Variants in MMS19 observed in about 807,000 individuals in gnomAD.
MMS19 encodes MMS19 cytosolic iron-sulfur assembly component.
MMS19 carries 77 observed loss-of-function variants against 129.8 expected under a neutral mutation model. That is an observed-to-expected ratio of 0.59 (90% CI 0.49 to 0.72). The LOEUF is 0.72. Ranked by LOEUF, MMS19 falls within the 30% of genes least tolerant of loss-of-function variation. The pLI, the probability that MMS19 is intolerant of heterozygous loss-of-function variation, is 0.00. For missense variants in MMS19, 1,168 were observed against 1,266.3 expected (o/e 0.92, Z 1.18); for synonymous variants, 491 against 502.8 (o/e 0.98, Z 0.31).
upstream of MMS19, chr10:97,498,531 C>T: frequency 8.7e-7 from 1 of 1,145,854 alleles, no homozygotes; most frequent in South Asian, 1.6e-5. Flanking sequence ...CTAGGCAGTT[C>T]CAGGGAGGGG....
At chr10:97,466,419 C>G (rs1408606277) in intron 16 of MMS19, 85 bp downstream of exon 16, 1 of 1,127,510 alleles carries the variant, frequency 8.9e-7, no homozygotes, top group African/African-American at 1.5e-5. Context: ...GTCAGAAGCA[C>G]AGAGCCCTGG....
At chr10:97,459,555 G>A (rs766072186) in intron 27 of MMS19, 29 bp from the exon 28 acceptor site, 4 of 1,607,762 alleles carry the variant, frequency 2.5e-6, no homozygotes, top group Non-Finnish European at 2.6e-6. Context: ...GGTAGGGGAT[G>A]GCCACATCAT....
chr10:97,486,846 C>A (rs2037926588), intron 1 of MMS19, among the ~76,000 whole-genome samples: 2 of 89,570 alleles, frequency 2.2e-5, no homozygotes, highest in Admixed American at 1.3e-4. Context: ...ATAAGCTTAT[C>A]CTGAAATTAA....
At chr10:97,485,596 C>A (rs1032759643) in intron 1 of MMS19, among the ~76,000 whole-genome samples, 1 of 152,192 alleles carries the variant, frequency 6.6e-6, no homozygotes, top group Non-Finnish European at 1.5e-5. Flanking sequence ...CAGGCATGAG[C>A]CACTGCACCT....
intron 1 of MMS19, among the ~76,000 whole-genome samples, chr10:97,485,302 T>C (rs1353502126): frequency 1.3e-5 from 2 of 151,546 alleles, no homozygotes; most frequent in African/African-American, 4.9e-5. Flanking sequence ...CTAATTTTTG[T>C]ATTTTCTTTT....
In MMS19 at chr10:97,484,116, C is replaced by T; in HGVS notation, c.148G>A (p.Val50Met). The T allele has an allele frequency of 6.5e-7, 1 of 1,548,158 alleles. No individual in the cohort carries two copies. The highest frequency in any genetic ancestry group is 8.8e-7 in the Non-Finnish European group (1 of 1,141,582). The change falls in exon 2 of 31, where the codon GTG (valine) becomes ATG (methionine). Residue 50 changes from valine (V) to methionine (M), a missense_variant. Transcript: ENST00000438925. ...AGAGGCTCTTACCCAAGGGCTTCCACAACTTGTAACACTGTATAGTTGCCA... is the reference window on the plus strand; with the variant it reads ...AGAGGCTCTTACCCAAGGGCTTCCATAACTTGTAACACTGTATAGTTGCCA... ...KSGNYTVLQV[V>M]EALGSSLENP...
chr10:97,474,343 G>C (rs935743595), intron 8 of MMS19, among the ~76,000 whole-genome samples: 8 of 151,796 alleles, frequency 5.3e-5, no homozygotes, highest in Admixed American at 5.3e-4. Context: ...AGGAGTTCGA[G>C]ACCAACCTGG....
chr10:97,465,571 C>A (rs2033281192), intron 18 of MMS19, among the ~76,000 whole-genome samples: 1 of 152,402 alleles, frequency 6.6e-6, no homozygotes, highest in Non-Finnish European at 1.5e-5. Flanking sequence ...TCCCAAAGTG[C>A]TGAGATTACA....
intron 8 of MMS19, 106 bp downstream of exon 8, chr10:97,476,577 C>T (rs1023808098): frequency 3.0e-5 from 26 of 868,422 alleles, no homozygotes; most frequent in African/African-American, 8.5e-5. Flanking sequence ...ATAATGAGGG[C>T]GGGGATGTCT....
chr10:97,480,636 C>T (rs1476469883), intron 3 of MMS19, among the ~76,000 whole-genome samples: 2 of 152,148 alleles, frequency 1.3e-5, no homozygotes. Context: ...GGCTGGAGTT[C>T]AGTGGCGTGA....
intron 10 of MMS19, 111 bp downstream of exon 10, chr10:97,470,018 T>C (rs1429730410): frequency 6.3e-6 from 5 of 790,894 alleles, no homozygotes; most frequent in Non-Finnish European, 1.1e-5. Flanking sequence ...ATCCTGGGTA[T>C]CCTCTTCTGA....
intron 1 of MMS19, among the ~76,000 whole-genome samples, chr10:97,496,511 CAAA>C (rs11357826): frequency 3.0e-4 from 32 of 108,006 alleles, no homozygotes; most frequent in Non-Finnish European, 2.6e-4. Context: ...GACCTTGTCT[CAAA>C]AAAAAAAAAA....
At position 97,495,386 on chromosome 10, in the gene MMS19, G is replaced by T. The variant is rs567759422; in HGVS notation, c.112+2887C>A. Among the ~76,000 whole-genome samples the T allele has an allele frequency of 4.6e-5, 7 of 152,332 alleles. No homozygotes were observed. In the South Asian group the frequency reaches 1.0e-3, roughly 23 times the overall value. On this transcript the variant is annotated intron_variant, in intron 1 of 30. Transcript: ENST00000438925. ...CAGGTACAAAACAAAGGTGGCAGCA[G>T]CTGCTTTTGTGATCAAAGGGTGCTC...
rs184977374 is a variant in MMS19 at position 97,488,375 on chromosome 10, T to C, written c.113-4224A>G. 5.3e-5 allele frequency among the ~76,000 whole-genome samples: 8 copies of C among 152,290 alleles called. No individual in the cohort carries two copies. The East Asian group carries it at 1.5e-3, about 29-fold the overall frequency. On this transcript the variant is annotated intron_variant, in intron 1 of 30. Coordinates refer to ENST00000438925, the MANE Select transcript of MMS19 (RefSeq NM_022362.5). ...TGGTGCAACCCTATATTGAGGGCAA[T>C]ATAACATCTTTAGAATTCCAGGTAC...
intron 1 of MMS19, among the ~76,000 whole-genome samples, chr10:97,494,029 AAAC>A (rs568782030): frequency 1.3e-5 from 2 of 152,260 alleles, no homozygotes; most frequent in Admixed American, 6.5e-5. Flanking sequence ...GCAAACAAAC[AAAC>A]AACAACAACA....
intron 1 of MMS19, among the ~76,000 whole-genome samples, chr10:97,495,963 G>C (rs1030624142): frequency 6.6e-6 from 1 of 152,112 alleles, no homozygotes; most frequent in Non-Finnish European, 1.5e-5. Flanking sequence ...TGTATTTTCA[G>C]TAGAGCGGGG....
chr10:97,498,650 C>G (rs1304043077), upstream of MMS19: 1 of 477,216 alleles, frequency 2.1e-6, no homozygotes, highest in Non-Finnish European at 3.7e-6. Context: ...GGGAGACGGG[C>G]TGCGGGGCGG....
At chr10:97,491,982 A>G (rs2135552154) in intron 1 of MMS19, among the ~76,000 whole-genome samples, 1 of 151,910 alleles carries the variant, frequency 6.6e-6, no homozygotes, top group South Asian at 2.1e-4. Context: ...CTCTACTAAC[A>G]CAAAAACTAG....
intron 14 of MMS19, 43 bp from the exon 15 acceptor site, chr10:97,466,944 T>C: frequency 6.2e-7 from 1 of 1,611,316 alleles, no homozygotes; most frequent in Non-Finnish European, 8.5e-7. Context: ...AGCCACTGCA[T>C]TCCATATCCC....
Sources: gnomAD v4.1 joint callset for allele counts (sites outside exome capture counted in the v4.1 genomes callset) on GRCh38, gnomAD v4.1.1 for gene constraint, MANE v1.5 for transcripts, NCBI Gene and HGNC (gene_info 2026-07-23, HGNC 2026-07-21) for gene names.